Variants in MGAM2 observed in about 807,000 individuals in gnomAD.
MGAM2 encodes the protein probable maltase-glucoamylase 2.
In MGAM2, 98 loss-of-function variants were observed where a neutral mutation model predicts 96.1. The ratio of observed to expected loss-of-function variants is 1.02; its 90% CI spans 0.87 to 1.21. The LOEUF (loss-of-function observed/expected upper bound fraction) is 1.21. MGAM2 is among the 50% of genes most tolerant of loss of function. MGAM2 has a pLI of 0.00. For missense variants in MGAM2, 2,055 were observed against 1,182.4 expected, an observed-to-expected ratio of 1.74 and a Z score of -10.82; for synonymous variants, 749 against 414.8, an observed-to-expected ratio of 1.81 and a Z score of -9.79.
chr7:142,219,958 C>T lies in MGAM2; in HGVS notation c.5447C>T (p.Thr1816Ile), dbSNP rs941838635. The change falls in exon 48 of 48, where the codon ACT (threonine) becomes ATT (isoleucine). Residue 1816 changes from threonine (T) to isoleucine (I), a missense_variant. Transcript: ENST00000477922. ...TWIDGGPVLP[T>I]PTKTSTIPMS... ...ATTGATGGTGGTCCTGTACTTCCTA[C>T]TCCAACTAAGACAAGTACCATCCCA... 4.3e-6 allele frequency: 3 copies of T among 702,760 alleles called. No individual in the cohort carries two copies. The African/African-American group carries it at 5.2e-5, about 12-fold the overall frequency. The allele number at this position is 702,760 out of a possible 1,614,324, so 43.5% of individuals were successfully genotyped here.
At chr7:142,189,934 G>A (rs1796818215) in intron 37 of MGAM2, among the ~76,000 whole-genome samples, 1 of 152,066 alleles carries the variant, frequency 6.6e-6, no homozygotes, top group Non-Finnish European at 1.5e-5. Context: ...TTGTATATGG[G>A]TACTTTCACT....
rs1358786405 is a variant in MGAM2, at chr7:142,221,306, T to A, written c.6795T>A (p.Ser2265Arg). ...ISITTTSFGN[S>R]VPFVTTPSPS... Reference sequence around the variant, plus strand: ...TAACAACTACTTCTTTTGGTAATAGTGTTCCTTTTGTGACTACTCCTTCTC... The same window carrying A: ...TAACAACTACTTCTTTTGGTAATAGAGTTCCTTTTGTGACTACTCCTTCTC... The change falls in exon 48 of 48, where the codon AGT becomes AGA. Residue 2265 changes from serine to arginine, a missense_variant. Coordinates refer to ENST00000477922, the MANE Select transcript of MGAM2 (RefSeq NM_001293626.2). The A allele has an allele frequency of 1.5e-6, 1 of 656,722 alleles. No individual in the cohort carries two copies. The highest frequency in any genetic ancestry group is 1.8e-5 in the African/African-American group (1 of 55,956). The allele number at this position is 656,722 out of a possible 1,614,324, so 40.7% of individuals were successfully genotyped here.
At chr7:142,199,715 T>C (rs1168490934) in intron 44 of MGAM2, among the ~76,000 whole-genome samples, 165 bp from the exon 45 acceptor site, 1 of 152,214 alleles carries the variant, frequency 6.6e-6, no homozygotes, top group Admixed American at 6.5e-5. Context: ...CCATTAACTT[T>C]TAAATGTCTT....
chr7:142,114,357 G>A (rs922677700), intron 1 of MGAM2, among the ~76,000 whole-genome samples: 1 of 151,922 alleles, frequency 6.6e-6, no homozygotes, highest in Non-Finnish European at 1.5e-5. Context: ...TTAAGACAGC[G>A]CCCATTGTAT....
At chr7:142,207,117 C>T (rs1331414564) in intron 45 of MGAM2, among the ~76,000 whole-genome samples, 1 of 151,966 alleles carries the variant, frequency 6.6e-6, no homozygotes, top group Non-Finnish European at 1.5e-5. Flanking sequence ...TTGAGAAGGG[C>T]CAAGAACAGA....
chr7:142,136,924 A>G (rs916628411), intron 8 of MGAM2, among the ~76,000 whole-genome samples: 2 of 152,270 alleles, frequency 1.3e-5, no homozygotes, highest in East Asian at 3.9e-4. Context: ...TTCCAAAAAT[A>G]TCTGTAGATT....
At position 142,131,921 on chromosome 7, in the gene MGAM2, C is replaced by G. The variant is rs987238060; in HGVS notation, c.421-10C>G. 1 of 698,584 alleles carries G rather than the reference C, an allele frequency of 1.4e-6. No individual in the cohort carries two copies. The highest frequency in any genetic ancestry group is 2.3e-4 in the Middle Eastern group (1 of 4,318). 43.3% of individuals were successfully genotyped at this position (698,584 alleles called of 1,614,324 possible). A position where few individuals can be genotyped will look rare whatever the true frequency, so the allele number is the denominator to read the frequency against. ...ATCTGCAGTTGTCCCTTCTGTTTTT[C>G]TTTTGACAGATCACTGACTTTAATA... On this transcript the variant is annotated splice_polypyrimidine_tract_variant and intron_variant, in intron 5 of 47. Transcript: ENST00000477922.
intron 7 of MGAM2, 21 bp downstream of exon 7, chr7:142,134,173 A>T (rs776991826): frequency 9.7e-6 from 7 of 721,976 alleles, no homozygotes. Context: ...TTTCCTCCTG[A>T]GTATCGCCCA....
rs1010566709 is a variant in MGAM2, at chr7:142,221,854, C to A, written c.7343C>A (p.Ala2448Asp). The A allele has an allele frequency of 2.5e-6, 1 of 400,628 alleles. No homozygotes were observed. Among genetic ancestry groups the A allele is most frequent in the African/African-American group, 2.1e-5 (1 of 48,614 alleles). 24.8% of individuals were successfully genotyped at this position (400,628 alleles called of 1,614,324 possible). A position where few individuals can be genotyped will look rare whatever the true frequency, so the allele number is the denominator to read the frequency against. ...NLTTASVTIT[A>D]TGLDSQTPHM... ...ACAACAGCCTCAGTCACAATAACAG[C>A]CACTGGTCTAGATTCACAAACTCCC... Residue 2448 changes from alanine (A) to aspartate (D), a missense_variant, in exon 48 of 48, where the codon GCC becomes GAC. Ala to Asp is a moderately radical substitution (Grantham distance 126). Transcript: ENST00000477922.
chr7:142,191,400 T>G (rs1205749109), intron 37 of MGAM2, among the ~76,000 whole-genome samples: 1 of 152,208 alleles, frequency 6.6e-6, no homozygotes, highest in African/African-American at 2.4e-5. Context: ...CTATGTCTTC[T>G]TCTAAGAGCT....
intron 6 of MGAM2, among the ~76,000 whole-genome samples, chr7:142,132,845 AAT>A (rs1794939181): frequency 7.8e-6 from 1 of 128,666 alleles, no homozygotes; most frequent in Non-Finnish European, 1.5e-5. Flanking sequence ...TAATTATATA[AAT>A]ATATAGATAT....
intron 25 of MGAM2, 35 bp from the exon 26 acceptor site, chr7:142,167,233 C>T: frequency 3.1e-6 from 2 of 653,232 alleles, no homozygotes; most frequent in South Asian, 3.4e-5. Flanking sequence ...AGTGTTGTAT[C>T]AGAGGCTGAG....
At chr7:142,126,460 A>G (rs1360707595) in intron 3 of MGAM2, among the ~76,000 whole-genome samples, 3 of 151,254 alleles carry the variant, frequency 2.0e-5, no homozygotes, top group South Asian at 2.1e-4. Flanking sequence ...ATATGAGGAT[A>G]TTTTATTCCT....
chr7:142,185,304 T>C (rs1269165878), intron 34 of MGAM2, among the ~76,000 whole-genome samples, 165 bp downstream of exon 34: 1 of 152,138 alleles, frequency 6.6e-6, no homozygotes, highest in Non-Finnish European at 1.5e-5. Flanking sequence ...AGTGGAAAGC[T>C]CAACAAACAG....
At chr7:142,197,379 T>C (rs1010682885) in intron 40 of MGAM2, 21 bp from the exon 41 acceptor site, 2 of 702,292 alleles carry the variant, frequency 2.8e-6, no homozygotes, top group African/African-American at 3.5e-5. Flanking sequence ...TGATCCATTA[T>C]ATGCTTCTTT....
At chr7:142,165,631 G>C (rs969113695) in intron 24 of MGAM2, among the ~76,000 whole-genome samples, 2 of 152,144 alleles carry the variant, frequency 1.3e-5, no homozygotes, top group East Asian at 1.9e-4. Context: ...AGCTCTTAGG[G>C]TATTAGGTGT....
chr7:142,188,076 G>T (rs138395160), intron 36 of MGAM2, among the ~76,000 whole-genome samples: 175 of 146,660 alleles, frequency 1.2e-3, no homozygotes, highest in African/African-American at 4.3e-3. Context: ...TGATAACTAT[G>T]AACAGATTGC....
intron 37 of MGAM2, among the ~76,000 whole-genome samples, chr7:142,191,679 A>T (rs1317140248): frequency 6.6e-6 from 1 of 151,646 alleles, no homozygotes; most frequent in East Asian, 1.9e-4. Context: ...TTTTTTTTCA[A>T]GATTGTTTTA....
In MGAM2 at chr7:142,120,863, T is replaced by C. The variant is rs575414584; in HGVS notation, c.186+482T>C. 7.2e-5 allele frequency among the ~76,000 whole-genome samples: 11 copies of C among 152,260 alleles called. No individual in the cohort carries two copies. The South Asian group carries it at 2.1e-3, about 29-fold the overall frequency. ...GCCCTCTGGATTATGTTATTGGCAATAGAGGTCCCAATGGATACGTGCTAA... is the reference window on the plus strand; with the variant it reads ...GCCCTCTGGATTATGTTATTGGCAACAGAGGTCCCAATGGATACGTGCTAA... On this transcript the variant is annotated intron_variant, in intron 3 of 47. Transcript: ENST00000477922.
Sources: gnomAD v4.1 joint callset for allele counts (sites outside exome capture counted in the v4.1 genomes callset) on GRCh38, gnomAD v4.1.1 for gene constraint, MANE v1.5 for transcripts, NCBI Gene and HGNC (gene_info 2026-07-23, HGNC 2026-07-21) for gene names.